The following GAB2 variants were observed in gnomAD, a reference collection of about 807,000 sequenced individuals.
GAB2 encodes the protein GRB2 associated binding protein 2, also known as GRB2-associated-binding protein 2.
A neutral mutation model predicts 65.5 loss-of-function variants in GAB2; 26 were observed. The ratio of observed to expected loss-of-function variants is 0.40; its 90% CI spans 0.29 to 0.55. The LOEUF is 0.55. GAB2 is among the 20% of genes least tolerant of loss of function. The probability of loss-of-function intolerance (pLI) is 0.53; values close to 1 mark genes in which losing one functional copy is unlikely to be tolerated. For synonymous variants in GAB2, 321 were observed against 329.6 expected (o/e 0.97, Z 0.28); for missense variants, 884 against 875.8 (o/e 1.01, Z -0.12).
chr11:78,384,837 CCTTT>C (rs1428455026), intron 1 of GAB2, among the ~76,000 whole-genome samples: 4 of 152,158 alleles, frequency 2.6e-5, no homozygotes, highest in African/African-American at 9.7e-5. Context: ...AGATTTTAGC[CCTTT>C]CTGAGCACAA....
At chr11:78,257,848 A>T (rs910315946) in intron 2 of GAB2, among the ~76,000 whole-genome samples, 68 of 151,970 alleles carry the variant, frequency 4.5e-4, no homozygotes, top group African/African-American at 1.4e-3. Context: ...AAATAGGCTC[A>T]GAGACATCAA....
chr11:78,403,927 G>C (rs1457381078), intron 1 of GAB2, among the ~76,000 whole-genome samples: 2 of 151,928 alleles, frequency 1.3e-5, no homozygotes, highest in Non-Finnish European at 2.9e-5. Flanking sequence ...AATATGCTAA[G>C]TATCTACAGA....
intron 1 of GAB2, among the ~76,000 whole-genome samples, chr11:78,299,918 CT>C (rs931867857): frequency 1.9e-4 from 29 of 151,522 alleles, no homozygotes; most frequent in African/African-American, 6.3e-4. Context: ...TGGGCTGATC[CT>C]TTTTTTTTCT....
At chr11:78,243,940 C>T (rs902292791) in intron 3 of GAB2, among the ~76,000 whole-genome samples, 1 of 151,994 alleles carries the variant, frequency 6.6e-6, no homozygotes, top group Non-Finnish European at 1.5e-5. Context: ...ACACAACTTA[C>T]CAAGATTGAA....
At chr11:78,300,695 G>GTTTTTTTTTTTTTTTTT (rs769243672) in intron 1 of GAB2, among the ~76,000 whole-genome samples, 1 of 113,250 alleles carries the variant, frequency 8.8e-6, no homozygotes. Flanking sequence ...GTTTTTTTTT[G>GTTTTTTTTTTTTTTTTT]TTTTTTTTTT....
At chr11:78,222,045 ATCAC>A (rs1228538124) in intron 7 of GAB2, 56 bp downstream of exon 7, 1 of 1,067,152 alleles carries the variant, frequency 9.4e-7, no homozygotes, top group African/African-American at 1.6e-5. Flanking sequence ...CAGCTACCAC[ATCAC>A]TCATTTTCCC....
intron 3 of GAB2, among the ~76,000 whole-genome samples, chr11:78,235,842 C>A (rs1864965160): frequency 1.3e-5 from 2 of 152,200 alleles, no homozygotes; most frequent in Admixed American, 1.3e-4. Context: ...TTCTTCTGAG[C>A]CCTCCAAACT....
chr11:78,414,820 C>T (rs1857173689), intron 1 of GAB2, among the ~76,000 whole-genome samples: 1 of 152,156 alleles, frequency 6.6e-6, no homozygotes, highest in South Asian at 2.1e-4. Context: ...GCCTTTGCTT[C>T]TTCTAAGATG....
intron 3 of GAB2, among the ~76,000 whole-genome samples, chr11:78,241,368 A>G (rs1865129130): frequency 6.6e-6 from 1 of 152,226 alleles, no homozygotes; most frequent in African/African-American, 2.4e-5. Flanking sequence ...CACCAGAAGC[A>G]TGGACACTTA....
intron 1 of GAB2, among the ~76,000 whole-genome samples, chr11:78,380,044 T>C (rs376140645): frequency 1.2e-3 from 179 of 152,380 alleles, no homozygotes; most frequent in Middle Eastern, 6.8e-3. Context: ...GAAGTAGTTT[T>C]AGAAATTTCT....
intron 1 of GAB2, among the ~76,000 whole-genome samples, chr11:78,335,679 C>G (rs1160638798): frequency 6.6e-6 from 1 of 152,098 alleles, no homozygotes; most frequent in Admixed American, 6.6e-5. Context: ...AATGTGATTC[C>G]TCAAGTTTTG....
chr11:78,292,562 C>A (rs1866710495), intron 1 of GAB2, among the ~76,000 whole-genome samples: 1 of 152,228 alleles, frequency 6.6e-6, no homozygotes, highest in South Asian at 2.1e-4. Flanking sequence ...CACTTCTGAA[C>A]ATATGATGTA....
Position 78,379,715 on chromosome 11 carries a change from G to A in GAB2, c.75+37931C>T, listed in dbSNP as rs535271919. On this transcript the variant is annotated intron_variant, in intron 1 of 9. Coordinates refer to ENST00000361507, the MANE Select transcript of GAB2 (RefSeq NM_080491.3). ...CAGCTGTCATTGCCTGCACAAGAGT[G>A]TACTTGGTTGTCATGTCTGTCATTG... Among the ~76,000 whole-genome samples the A allele has an allele frequency of 2.0e-5, 3 of 152,332 alleles. No individual in the cohort carries two copies. The East Asian group carries it at 5.8e-4, about 29-fold the overall frequency.
chr11:78,221,326 T>C (rs1864414075), intron 8 of GAB2, among the ~76,000 whole-genome samples: 3 of 152,216 alleles, frequency 2.0e-5, no homozygotes, highest in Admixed American at 2.0e-4. Context: ...TATGTGCACG[T>C]ATGCCTCTCA....
chr11:78,304,179 TCTC>T (rs58265245), intron 1 of GAB2, among the ~76,000 whole-genome samples: 4,525 of 152,248 alleles, frequency 0.03, 200 homozygotes, highest in African/African-American at 0.1. Flanking sequence ...TTCATAACAT[TCTC>T]CTATTATGCT....
intron 1 of GAB2, among the ~76,000 whole-genome samples, chr11:78,345,089 G>T (rs75613238): frequency 1.3e-5 from 2 of 152,102 alleles, no homozygotes; most frequent in African/African-American, 4.8e-5. Flanking sequence ...AGACCAGCCC[G>T]CGCAACATGG....
chr11:78,414,971 A>C (rs559038406), intron 1 of GAB2, among the ~76,000 whole-genome samples: 178 of 152,224 alleles, frequency 1.2e-3, no homozygotes, highest in African/African-American at 4.0e-3. Flanking sequence ...TCCCGGGCTC[A>C]CGCGATTCTC....
chr11:78,291,234 C>T (rs1378762970), intron 1 of GAB2, among the ~76,000 whole-genome samples: 4 of 143,984 alleles, frequency 2.8e-5, no homozygotes, highest in Non-Finnish European at 4.5e-5. Flanking sequence ...AGGCAGATCA[C>T]GAGGTCAGGA....
chr11:78,280,326 G>C, intron 2 of GAB2: 1 of 459,488 alleles, frequency 2.2e-6, no homozygotes, highest in Non-Finnish European at 4.0e-6. Flanking sequence ...AAACAGGAGG[G>C]ATGAGGAACG....
Sources: allele counts gnomAD v4.1 joint callset (sites outside exome capture counted in the v4.1 genomes callset), GRCh38; gene constraint gnomAD v4.1.1; transcripts MANE v1.5; gene names NCBI Gene and HGNC (gene_info 2026-07-23, HGNC 2026-07-21).